The following CADPS variants were observed in gnomAD, a reference collection of about 807,000 sequenced individuals.
CADPS encodes calcium dependent secretion activator.
Under a neutral mutation model 167.3 loss-of-function variants are expected in CADPS, and 57 were observed. The ratio of observed to expected loss-of-function variants is 0.34; its 90% CI spans 0.28 to 0.42. The LOEUF is 0.42. CADPS is among the 20% of genes least tolerant of loss of function. CADPS has a pLI of 1.00. For synonymous variants in CADPS, 676 were observed against 635.3 expected, an observed-to-expected ratio of 1.06 and a Z score of -0.96; for missense variants, 1,414 against 1,738.1, an observed-to-expected ratio of 0.81 and a Z score of 3.32.
At chr3:62,638,837 G>T (rs1176887948) in intron 6 of CADPS, among the ~76,000 whole-genome samples, 1 of 152,150 alleles carries the variant, frequency 6.6e-6, no homozygotes, top group Non-Finnish European at 1.5e-5. Flanking sequence ...TTATAGAATT[G>T]TTGAGGTAGA....
At chr3:62,592,568 C>T in intron 7 of CADPS, 69 bp downstream of exon 7, 1 of 1,155,398 alleles carries the variant, frequency 8.7e-7, no homozygotes, top group Middle Eastern at 2.0e-4. Flanking sequence ...CTCTTGGTGA[C>T]CTGTGCACTG....
intron 2 of CADPS, among the ~76,000 whole-genome samples, chr3:62,763,553 G>GA (rs143144003): frequency 0.019 from 2,920 of 152,240 alleles, 98 homozygotes; most frequent in African/African-American, 0.066. Context: ...ATAGAGTCCT[G>GA]ACTAAGACAG....
At chr3:62,425,198 T>A (rs1432435107) in intron 28 of CADPS, among the ~76,000 whole-genome samples, 1 of 152,234 alleles carries the variant, frequency 6.6e-6, no homozygotes, top group Non-Finnish European at 1.5e-5. Flanking sequence ...TTCAGTATCT[T>A]TTATCCTTAG....
chr3:62,840,200 C>A (rs925905843), intron 1 of CADPS, among the ~76,000 whole-genome samples: 1 of 152,156 alleles, frequency 6.6e-6, no homozygotes, highest in Non-Finnish European at 1.5e-5. Context: ...TTAAATTTTC[C>A]ATCTACTTCA....
At chr3:62,584,373 A>G (rs1296126403) in intron 8 of CADPS, among the ~76,000 whole-genome samples, 2 of 152,200 alleles carry the variant, frequency 1.3e-5, no homozygotes, top group Non-Finnish European at 2.9e-5. Flanking sequence ...TATACCCAAA[A>G]AAGAATTAAC....
chr3:62,594,006 A>G (rs150960848), intron 6 of CADPS, among the ~76,000 whole-genome samples: 324 of 152,308 alleles, frequency 2.1e-3, no homozygotes, highest in African/African-American at 7.4e-3. Context: ...GAAAGATGCC[A>G]AATATAATGT....
intron 26 of CADPS, among the ~76,000 whole-genome samples, chr3:62,462,573 C>G (rs957817231): frequency 6.6e-6 from 1 of 152,204 alleles, no homozygotes; most frequent in Non-Finnish European, 1.5e-5. Flanking sequence ...TCCTTGGCAG[C>G]TCTGCTGAGG....
rs563747981 is a variant in CADPS at position 62,478,882 on chromosome 3, G to C, written c.3174-466C>G. 6.6e-6 allele frequency among the ~76,000 whole-genome samples: 1 copy of C among 152,168 alleles called. No homozygotes were observed. Among genetic ancestry groups the C allele is most frequent in the Non-Finnish European group, 1.5e-5 (1 of 68,026 alleles). On this transcript the variant is annotated intron_variant, in intron 22 of 29. Transcript: ENST00000383710. This position sits in a 1 kb window ranked among gnomAD's most constrained non-coding sequence, Gnocchi z 5.7. ...TCTTGGAGATTGCACAAGACTTTTC[G>C]TTTTCAAAGGACAGTGCTAACAAAG...
chr3:62,676,964 C>A lies in CADPS; in HGVS notation c.889-14570G>T, dbSNP rs546831973. ...TCCTGATAGGAAGTCAGACATGCAC[C>A]CTAAGAGGAGAAAATTCTGAAAAAT... On this transcript the variant is annotated intron_variant, in intron 3 of 29. Coordinates refer to ENST00000383710, the MANE Select transcript of CADPS (RefSeq NM_003716.4). 8.5e-4 allele frequency among the ~76,000 whole-genome samples: 129 copies of A among 152,100 alleles called. 3 individuals are homozygous for A. The Middle Eastern group carries it at 0.02, about 24-fold the overall frequency.
chr3:62,437,956 A>G (rs2055491077), intron 28 of CADPS, 148 bp downstream of exon 28: 2 of 591,744 alleles, frequency 3.4e-6, no homozygotes, highest in African/African-American at 3.8e-5. Context: ...GACAGATAAG[A>G]GCCTAAGGCA....
intron 4 of CADPS, among the ~76,000 whole-genome samples, chr3:62,659,126 T>C (rs1369428639): frequency 6.6e-6 from 1 of 152,178 alleles, no homozygotes; most frequent in Non-Finnish European, 1.5e-5. Context: ...TTACATATGA[T>C]GGATGACATC....
chr3:62,645,234 C>T (rs1358938544), intron 6 of CADPS, among the ~76,000 whole-genome samples: 1 of 152,102 alleles, frequency 6.6e-6, no homozygotes, highest in East Asian at 1.9e-4. Context: ...TAACAGACTA[C>T]AAACTGGGTT....
chr3:62,606,033 C>T (rs965427866), intron 6 of CADPS, among the ~76,000 whole-genome samples: 2 of 152,120 alleles, frequency 1.3e-5, no homozygotes, highest in Non-Finnish European at 2.9e-5. Context: ...GTGCCTGGAA[C>T]ACTTCCTCTC....
chr3:62,463,850 C>T (rs2059649368), intron 26 of CADPS, among the ~76,000 whole-genome samples: 2 of 152,304 alleles, frequency 1.3e-5, no homozygotes, highest in Non-Finnish European at 1.5e-5. Context: ...GGGATAGGGG[C>T]CATCGCACCT....
chr3:62,594,506 G>GT (rs1205548932), intron 6 of CADPS, among the ~76,000 whole-genome samples: 4 of 152,062 alleles, frequency 2.6e-5, no homozygotes, highest in Admixed American at 6.6e-5. Context: ...CTTTCTATAT[G>GT]TACCATAATT....
intron 6 of CADPS, among the ~76,000 whole-genome samples, chr3:62,632,960 T>C (rs1351288164): frequency 1.3e-5 from 2 of 151,916 alleles, no homozygotes; most frequent in African/African-American, 2.4e-5. Context: ...ACTACCCACA[T>C]GGTTGTGAGA....
intron 8 of CADPS, among the ~76,000 whole-genome samples, chr3:62,577,217 T>A (rs2082462798): frequency 1.3e-5 from 2 of 152,172 alleles, no homozygotes; most frequent in Admixed American, 6.5e-5. Context: ...AATAAAAAAA[T>A]GAGGCAGTCT....
chr3:62,685,177 C>T (rs1349642037), intron 3 of CADPS, among the ~76,000 whole-genome samples: 1 of 152,042 alleles, frequency 6.6e-6, no homozygotes, highest in Non-Finnish European at 1.5e-5. Context: ...CAACAGATCT[C>T]TGAATTAGAT....
At chr3:62,541,501 T>C (rs1259974716) in intron 11 of CADPS, among the ~76,000 whole-genome samples, 1 of 152,150 alleles carries the variant, frequency 6.6e-6, no homozygotes, top group Non-Finnish European at 1.5e-5. Context: ...TTCTATGACA[T>C]AGATGCAGGT....
Sources: allele counts gnomAD v4.1 joint callset (sites outside exome capture counted in the v4.1 genomes callset), GRCh38; gene constraint gnomAD v4.1.1; non-coding constraint Gnocchi (gnomAD v3.1); transcripts MANE v1.5; gene names NCBI Gene and HGNC (gene_info 2026-07-23, HGNC 2026-07-21).